Variants in SAAL1 observed in about 807,000 individuals in gnomAD.
SAAL1 encodes serum amyloid A like 1, also known as protein SAAL1.
A neutral mutation model predicts 59.8 loss-of-function variants in SAAL1; 42 were observed. The observed-to-expected ratio is 0.70, with a 90% confidence interval of 0.55 to 0.91. The LOEUF is 0.91. Among genes scored for constraint, SAAL1 ranks in the 40% least tolerant of loss-of-function variants. SAAL1 has a pLI of 0.00. For missense variants in SAAL1, 542 were observed against 561.1 expected (o/e 0.97, Z 0.34); for synonymous variants, 191 against 194.3 (o/e 0.98, Z 0.14).
chr11:18,089,308 T>G, intron 7 of SAAL1, 22 bp downstream of exon 7: 1 of 1,526,876 alleles, frequency 6.5e-7, no homozygotes. Flanking sequence ...CCAGAACATT[T>G]TACACAAAAG....
At chr11:18,094,319 T>A (rs557742078) in intron 3 of SAAL1, among the ~76,000 whole-genome samples, 16 of 152,350 alleles carry the variant, frequency 1.1e-4, no homozygotes, top group African/African-American at 3.6e-4. Flanking sequence ...GTCCTCAAGA[T>A]GCAAAACCTG....
At chr11:18,083,169 G>A (rs1007811929) in intron 10 of SAAL1, 1 of 150,012 alleles carries the variant, frequency 6.7e-6, no homozygotes, top group African/African-American at 2.6e-5. Flanking sequence ...CTGATTATTT[G>A]GTAAATTAGG....
intron 2 of SAAL1, among the ~76,000 whole-genome samples, chr11:18,102,101 A>T (rs1247460395): frequency 2.0e-5 from 3 of 152,174 alleles, no homozygotes; most frequent in Non-Finnish European, 4.4e-5. Context: ...ATCTGCGTAC[A>T]CATCCGTCAA....
chr11:18,089,423 G>A lies in SAAL1; in HGVS notation c.677C>T (p.Ala226Val), dbSNP rs1249589087. 1.2e-6 allele frequency: 2 copies of A among 1,612,244 alleles called. No individual in the cohort carries two copies. The highest frequency in any genetic ancestry group is 2.7e-5 in the African/African-American group (2 of 74,812). The change falls in exon 7 of 12, where the codon GCT becomes GTT. Residue 226 changes from alanine to valine, a missense_variant. By Grantham distance (64) the Ala-to-Val change is moderately conservative. Transcript: ENST00000524803. ...CTGGGGTTGGTCCAGAGGCTGAGCA[G>A]CCCCATTTCTGACCCATTCTAACAT... ...KLMLEWVRNGAAQPLDQPQEE... is the reference protein window; with the variant it reads ...KLMLEWVRNGVAQPLDQPQEE...
At chr11:18,081,539 A>T (rs1848409740) in intron 10 of SAAL1, 36 bp from the exon 11 acceptor site, 2 of 1,534,720 alleles carry the variant, frequency 1.3e-6, no homozygotes, top group Non-Finnish European at 1.8e-6. Context: ...CAAAAAAGGA[A>T]AATTTTTCAA....
chr11:18,097,647 G>C (rs146675669), intron 2 of SAAL1, among the ~76,000 whole-genome samples: 22 of 152,010 alleles, frequency 1.4e-4, no homozygotes, highest in African/African-American at 5.1e-4. Context: ...AGCCCAGCTT[G>C]GGCAAACATA....
At chr11:18,098,332 C>T (rs1190462035) in intron 2 of SAAL1, among the ~76,000 whole-genome samples, 2 of 152,180 alleles carry the variant, frequency 1.3e-5, no homozygotes, top group Non-Finnish European at 2.9e-5. Flanking sequence ...GAGTCTGCCA[C>T]AGTGCCTAAA....
chr11:18,099,057 G>A (rs1554904141), intron 2 of SAAL1, among the ~76,000 whole-genome samples: 2 of 146,146 alleles, frequency 1.4e-5, no homozygotes, highest in Non-Finnish European at 3.0e-5. Flanking sequence ...AGTCTCAGCA[G>A]AGCAAAGCTA....
Position 18,092,283 on chromosome 11 carries a change from C to T in SAAL1, c.375G>A (p.Gln125=). 6.2e-7 allele frequency: 1 copy of T among 1,608,196 alleles called. No homozygotes were observed. The highest frequency in any genetic ancestry group is 8.5e-7 in the Non-Finnish European group (1 of 1,174,724). Residue 125 remains glutamine (Q), a synonymous_variant, in exon 4 of 12, where the codon CAG becomes CAA. Coordinates refer to ENST00000524803, the MANE Select transcript of SAAL1 (RefSeq NM_138421.3). ...CACTGCTGATGGACACACATATCTC[C>T]TGGAAACAGGCCATATTACCTAAAA... ...VGILGNMACF[Q]EICVSISSDK...
chr11:18,090,018 A>C (rs1328547751), intron 6 of SAAL1, among the ~76,000 whole-genome samples, 157 bp downstream of exon 6: 1 of 152,236 alleles, frequency 6.6e-6, no homozygotes, highest in African/African-American at 2.4e-5. Flanking sequence ...ACTGCACTCC[A>C]ACCTGGGTGA....
In SAAL1 at chr11:18,081,431, G is replaced by A; in HGVS notation, c.1312C>T (p.Leu438Phe). The A allele has an allele frequency of 6.2e-7, 1 of 1,613,918 alleles. No homozygotes were observed. The highest frequency in any genetic ancestry group is 8.5e-7 in the Non-Finnish European group (1 of 1,179,814). Residue 438 changes from leucine to phenylalanine, a missense_variant, in exon 11 of 12, where the codon CTT becomes TTT. Coordinates refer to ENST00000524803, the MANE Select transcript of SAAL1 (RefSeq NM_138421.3). ...CTCACCACAGGGCTATAGAAAGGAA[G>A]AAGGTTTTGAAATGCAGAGGAACAC... ...QKCSSAFQNL[L>F]PFYSPVVEDF...
chr11:18,102,294 C>A (rs981184725), intron 2 of SAAL1, among the ~76,000 whole-genome samples: 2 of 151,710 alleles, frequency 1.3e-5, no homozygotes, highest in African/African-American at 4.8e-5. Flanking sequence ...CCCAGCTACT[C>A]TGGACGCTAT....
chr11:18,101,915 G>A (rs192250212), intron 2 of SAAL1, among the ~76,000 whole-genome samples: 1 of 151,470 alleles, frequency 6.6e-6, no homozygotes, highest in Admixed American at 6.6e-5. Flanking sequence ...AAGCATATGA[G>A]CACATTCATA....
At position 18,106,016 on chromosome 11, in the gene SAAL1, G is replaced by A. The variant is rs776272119; in HGVS notation, c.26C>T (p.Pro9Leu). The A allele has an allele frequency of 6.2e-7, 1 of 1,608,766 alleles. No homozygotes were observed. Among genetic ancestry groups the A allele is most frequent in the Non-Finnish European group, 8.5e-7 (1 of 1,178,952 alleles). The change falls in exon 1 of 12, where the codon CCG becomes CTG. Residue 9 changes from proline (P) to leucine (L), a missense_variant. Transcript: ENST00000524803. ...CTCCTCCTCCTTGTCGCGACCCGGC[G>A]GCGGCGGCGAGGGGTTGCGGTCCAT... MDRNPSPPPPGRDKEEEEE... is the reference protein window; with the variant it reads MDRNPSPPLPGRDKEEEEE...
At chr11:18,091,292 T>A (rs1463745808) in intron 4 of SAAL1, among the ~76,000 whole-genome samples, 1 of 152,208 alleles carries the variant, frequency 6.6e-6, no homozygotes, top group Non-Finnish European at 1.5e-5. Context: ...ATCAGCAATA[T>A]AAATTGCACC....
At chr11:18,094,464 G>A (rs555346662) in intron 3 of SAAL1, among the ~76,000 whole-genome samples, 101 of 152,262 alleles carry the variant, frequency 6.6e-4, no homozygotes, top group African/African-American at 2.3e-3. Context: ...ACTGTAGAGC[G>A]TGCAAGCAGA....
intron 4 of SAAL1, 87 bp from the exon 5 acceptor site, chr11:18,090,580 T>C: frequency 3.5e-6 from 5 of 1,424,784 alleles, no homozygotes; most frequent in Non-Finnish European, 4.8e-6. Context: ...AACATCTTTA[T>C]TGTGAAATAC....
intron 3 of SAAL1, among the ~76,000 whole-genome samples, chr11:18,096,226 G>A (rs957717821): frequency 1.3e-5 from 2 of 151,964 alleles, no homozygotes; most frequent in Non-Finnish European, 2.9e-5. Context: ...CCCTGGTCCG[G>A]CCTGAATCTA....
chr11:18,081,800 A>G (rs926938696), intron 10 of SAAL1: 1 of 302,710 alleles, frequency 3.3e-6, no homozygotes, highest in African/African-American at 2.1e-5. Flanking sequence ...GCTCAATTCT[A>G]TTCTACCAAA....
Sources: gnomAD v4.1 joint callset for allele counts (sites outside exome capture counted in the v4.1 genomes callset) on GRCh38, gnomAD v4.1.1 for gene constraint, MANE v1.5 for transcripts, NCBI Gene and HGNC (gene_info 2026-07-23, HGNC 2026-07-21) for gene names.